Variants in KIF15 observed in about 807,000 individuals in gnomAD.
KIF15 encodes the protein kinesin family member 15.
KIF15 carries 140 observed loss-of-function variants against 190.6 expected under a neutral mutation model. The ratio of observed to expected loss-of-function variants is 0.73; its 90% CI spans 0.64 to 0.84. KIF15 has a LOEUF of 0.84. KIF15 is among the 40% of genes least tolerant of loss of function. KIF15 has a pLI of 0.00. For synonymous variants in KIF15, 528 were observed against 551.3 expected (o/e 0.96, Z 0.59); for missense variants, 1,372 against 1,584.4 (o/e 0.87, Z 2.28).
At chr3:44,787,007 T>C (rs1177841425) in intron 7 of KIF15, among the ~76,000 whole-genome samples, 1 of 152,218 alleles carries the variant, frequency 6.6e-6, no homozygotes, top group African/African-American at 2.4e-5. Flanking sequence ...CAAAATATTC[T>C]AGATATGTTT....
At chr3:44,803,315 T>C (rs1270854600) in intron 14 of KIF15, among the ~76,000 whole-genome samples, 1 of 152,224 alleles carries the variant, frequency 6.6e-6, no homozygotes. Context: ...GAAAAGTCTT[T>C]AACTAATCAA....
intron 27 of KIF15, among the ~76,000 whole-genome samples, chr3:44,838,646 G>T (rs1178847170): frequency 6.6e-6 from 1 of 151,878 alleles, no homozygotes; most frequent in Admixed American, 6.6e-5. Context: ...TACTTGGGAG[G>T]CTGAGGCACA....
At position 44,826,512 on chromosome 3, in the gene KIF15, A is replaced by G. The variant is rs777377311; in HGVS notation, c.2786+52A>G. ...GCATACTAGAATATTGTTTAATACC[A>G]CATTCTTAATCTTGTTTTTTTTTTA... On this transcript the variant is annotated intron_variant, in intron 22 of 34. Coordinates refer to ENST00000326047, the MANE Select transcript of KIF15 (RefSeq NM_020242.3). 3 of 1,228,322 alleles carry G rather than the reference A, an allele frequency of 2.4e-6. No homozygotes were observed. The South Asian group carries it at 4.1e-5, about 17-fold the overall frequency. 76.1% of individuals were successfully genotyped at this position (1,228,322 alleles called of 1,614,324 possible). A position where few individuals can be genotyped will look rare whatever the true frequency, so the allele number is the denominator to read the frequency against.
At chr3:44,854,369 A>C (rs142762053), downstream of KIF15, among the ~76,000 whole-genome samples, 4,298 of 148,052 alleles carry the variant, frequency 0.029, 143 homozygotes, top group African/African-American at 0.082. Flanking sequence ...TGGGCAACAG[A>C]GTGAAAAAAA....
At chr3:44,776,265 T>G (rs1357262712) in intron 3 of KIF15, among the ~76,000 whole-genome samples, 1 of 150,000 alleles carries the variant, frequency 6.7e-6, no homozygotes, top group Non-Finnish European at 1.5e-5. Flanking sequence ...CCCCACTAAG[T>G]GATAGGAAAT....
At chr3:44,786,254 C>T in intron 6 of KIF15, 141 bp from the exon 7 acceptor site, 1 of 549,630 alleles carries the variant, frequency 1.8e-6, no homozygotes, top group Non-Finnish European at 3.0e-6. Context: ...ATTTTTTTTA[C>T]TTTTAGGTAT....
chr3:44,861,949 G>A (rs1699256833), intron 6 of KIF15: 6 of 1,408,428 alleles, frequency 4.3e-6, no homozygotes, highest in African/African-American at 1.5e-5. Context: ...GGGGCCTCCG[G>A]GCGGCGCCGT....
intron 1 of KIF15, among the ~76,000 whole-genome samples, chr3:44,766,271 G>T (rs1705370139): frequency 6.6e-6 from 1 of 152,148 alleles, no homozygotes; most frequent in East Asian, 1.9e-4. Context: ...TTGGGGATGG[G>T]GATAATGGCA....
At chr3:44,820,466 T>G (rs1708218626) in intron 20 of KIF15, among the ~76,000 whole-genome samples, 1 of 151,912 alleles carries the variant, frequency 6.6e-6, no homozygotes, top group Non-Finnish European at 1.5e-5. Context: ...TGAACAAAGG[T>G]CTCTGGTTTT....
In KIF15 at chr3:44,761,806, T is replaced by G; in HGVS notation, c.-60T>G. The stretch of plus-strand genomic sequence containing the variant: ...GCGGGCGGAATTCAGTCGCGCGCGG[T>G]GCAGTCGGGAGGTGGAGGCACCGGC... On this transcript the variant is annotated 5_prime_UTR_variant, in exon 1 of 35. Transcript: ENST00000326047. 6.2e-7 allele frequency: 1 copy of G among 1,612,928 alleles called. No homozygotes were observed.
At chr3:44,824,403 C>T (rs1446458775) in intron 20 of KIF15, among the ~76,000 whole-genome samples, 1 of 152,124 alleles carries the variant, frequency 6.6e-6, no homozygotes, top group Non-Finnish European at 1.5e-5. Context: ...ATTTCCCCAG[C>T]ACCAAGTCCA....
At chr3:44,830,791 T>C (rs1429568872) in intron 25 of KIF15, 105 bp from the exon 26 acceptor site, 2 of 1,078,394 alleles carry the variant, frequency 1.9e-6, no homozygotes, top group Non-Finnish European at 2.7e-6. Context: ...TTGAATTATC[T>C]TGTGTTAATC....
intron 25 of KIF15, 44 bp from the exon 26 acceptor site, chr3:44,830,852 C>T: frequency 6.3e-7 from 1 of 1,582,688 alleles, no homozygotes; most frequent in Non-Finnish European, 8.6e-7. Flanking sequence ...AATCTAGAAA[C>T]AGGAAATAAA....
chr3:44,831,482 G>A (rs998216564), intron 26 of KIF15, among the ~76,000 whole-genome samples: 10 of 152,194 alleles, frequency 6.6e-5, no homozygotes, highest in African/African-American at 2.2e-4. Context: ...GAGCAGAGTG[G>A]AAACTGCATT....
intron 27 of KIF15, 82 bp downstream of exon 27, chr3:44,838,503 AG>A: frequency 7.0e-7 from 1 of 1,430,374 alleles, no homozygotes; most frequent in Non-Finnish European, 9.4e-7. Context: ...CAGCACTTTG[AG>A]AGGCCAAGGG....
intron 6 of KIF15, chr3:44,863,664 C>G (rs1699288784): frequency 6.4e-6 from 1 of 155,686 alleles, no homozygotes; most frequent in Admixed American, 6.2e-5. Flanking sequence ...TAAACACAGC[C>G]CAGGACCTAA....
chr3:44,788,528 C>T (rs955362501), intron 7 of KIF15, among the ~76,000 whole-genome samples: 2 of 151,536 alleles, frequency 1.3e-5, no homozygotes, highest in African/African-American at 4.9e-5. Context: ...AATCATGGTT[C>T]ACTGCAGCCT....
intron 1 of KIF15, among the ~76,000 whole-genome samples, chr3:44,772,087 C>T (rs2125899317): frequency 6.6e-6 from 1 of 152,164 alleles, no homozygotes; most frequent in African/African-American, 2.4e-5. Flanking sequence ...TTAATTAGAA[C>T]TCTTGTTTAT....
At position 44,775,548 on chromosome 3, in the gene KIF15, C is replaced by T. The variant is rs545527610; in HGVS notation, c.246+111C>T. 226 of 715,954 alleles carry T rather than the reference C, an allele frequency of 3.2e-4. 2 individuals carry two copies. The South Asian group carries it at 4.4e-3, about 14-fold the overall frequency. The allele number at this position is 715,954 out of a possible 1,614,324, so 44.4% of individuals were successfully genotyped here. ...TCGGCTCACTGCACCCTCTGCCTCC[C>T]GGGTTCAAGTGATTCTCCTGCCTCA... On this transcript the variant is annotated intron_variant, in intron 3 of 34. Transcript: ENST00000326047.
Sources: allele counts gnomAD v4.1 joint callset (sites outside exome capture counted in the v4.1 genomes callset), GRCh38; gene constraint gnomAD v4.1.1; transcripts MANE v1.5; gene names NCBI Gene and HGNC (gene_info 2026-07-23, HGNC 2026-07-21).